C1orf21: variants seen among roughly 807,000 people sequenced by gnomAD.
C1orf21 encodes the protein chromosome 1 open reading frame 21.
C1orf21 carries 3 observed loss-of-function variants against 18.7 expected under a neutral mutation model. The observed-to-expected ratio is 0.16, with a 90% confidence interval of 0.07 to 0.42. C1orf21 has a LOEUF of 0.42. Among genes scored for constraint, C1orf21 ranks in the 10% least tolerant of loss-of-function variants. C1orf21 has a pLI of 0.99. For synonymous variants in C1orf21, 41 were observed against 46.4 expected (o/e 0.88, Z 0.47); for missense variants, 104 against 143.6 (o/e 0.72, Z 1.41).
intron 3 of C1orf21, among the ~76,000 whole-genome samples, chr1:184,517,125 C>T (rs937809833): frequency 2.0e-5 from 3 of 146,804 alleles, no homozygotes; most frequent in Admixed American, 7.2e-5. Flanking sequence ...TCACGGTCGT[C>T]ATATTACTCT....
intron 5 of C1orf21, among the ~76,000 whole-genome samples, chr1:184,606,119 C>T (rs1364183297): frequency 2.0e-5 from 3 of 152,132 alleles, no homozygotes; most frequent in South Asian, 2.1e-4. Flanking sequence ...CTTACAGAGC[C>T]ATTAAATAAC....
chr1:184,450,927 G>T (rs568849308), intron 1 of C1orf21, among the ~76,000 whole-genome samples: 3 of 152,278 alleles, frequency 2.0e-5, no homozygotes, highest in Non-Finnish European at 4.4e-5. Context: ...GCCCAGGCTG[G>T]AGTGCAGTGG....
At chr1:184,588,218 A>G (rs1659384546) in intron 3 of C1orf21, among the ~76,000 whole-genome samples, 1 of 152,218 alleles carries the variant, frequency 6.6e-6, no homozygotes, top group African/African-American at 2.4e-5. Context: ...GGAGCCTGAC[A>G]CTTCAAGAAA....
intron 3 of C1orf21, among the ~76,000 whole-genome samples, chr1:184,539,426 A>G (rs1275717839): frequency 2.6e-5 from 4 of 152,210 alleles, no homozygotes; most frequent in Non-Finnish European, 4.4e-5. Context: ...ATCAATGTTC[A>G]TAAGAAATAT....
chr1:184,538,241 C>T (rs1476670762), intron 3 of C1orf21, among the ~76,000 whole-genome samples: 2 of 152,148 alleles, frequency 1.3e-5, no homozygotes, highest in Non-Finnish European at 2.9e-5. Context: ...TTTTCATGTG[C>T]TTATTAGCCA....
Position 184,621,015 on chromosome 1 carries a change from C to T in C1orf21, c.*1459C>T, listed in dbSNP as rs1659908141. On this transcript the variant is annotated 3_prime_UTR_variant, in exon 6 of 6. Coordinates refer to ENST00000235307, the MANE Select transcript of C1orf21 (RefSeq NM_030806.4). ...AATCACAGGAGCACTGTATGTTCCT[C>T]TCTTTTGGAGTTGTGACTTTGAAGG... The T allele has an allele frequency of 6.6e-6, 1 of 152,598 alleles. No individual in the cohort carries two copies. The highest frequency in any genetic ancestry group is 2.1e-4 in the South Asian group (1 of 4,830). 9.5% of individuals were successfully genotyped at this position (152,598 alleles called of 1,614,324 possible).
chr1:184,603,235 T>G (rs1214663032), intron 5 of C1orf21, among the ~76,000 whole-genome samples: 1 of 152,220 alleles, frequency 6.6e-6, no homozygotes, highest in African/African-American at 2.4e-5. Flanking sequence ...TATCCATAGA[T>G]AGTTGTGACT....
intron 3 of C1orf21, among the ~76,000 whole-genome samples, chr1:184,539,624 T>C (rs558670166): frequency 6.6e-6 from 1 of 152,182 alleles, no homozygotes; most frequent in Non-Finnish European, 1.5e-5. Context: ...CCCAGGACTT[T>C]TCACAGCTGC....
At chr1:184,489,090 T>C (rs989922532) in intron 2 of C1orf21, among the ~76,000 whole-genome samples, 2 of 152,220 alleles carry the variant, frequency 1.3e-5, no homozygotes, top group Non-Finnish European at 2.9e-5. Flanking sequence ...AGAAAAAGTT[T>C]GTGATAAACT....
chr1:184,510,306 GAGTGCCTTT>G (rs1209727028), intron 3 of C1orf21, among the ~76,000 whole-genome samples: 4 of 152,214 alleles, frequency 2.6e-5, no homozygotes, highest in African/African-American at 7.2e-5. Flanking sequence ...CTTGCAAAGA[GAGTGCCTTT>G]GCACTAGACT....
chr1:184,502,797 G>A (rs575674338), intron 2 of C1orf21, among the ~76,000 whole-genome samples: 67 of 152,154 alleles, frequency 4.4e-4, no homozygotes, highest in African/African-American at 1.6e-3. Flanking sequence ...ACTTAACGTG[G>A]CCATGCATGA....
chr1:184,430,381 C>T (rs1049861577), intron 1 of C1orf21, among the ~76,000 whole-genome samples: 3 of 152,170 alleles, frequency 2.0e-5, no homozygotes, highest in African/African-American at 7.2e-5. Context: ...TTTCAAACAG[C>T]ACAGTTTACG....
rs1049216558 is a variant in C1orf21 at position 184,620,968 on chromosome 1, C to T, written c.*1412C>T. ...CCTATTAAATGCCACGCCAGCAGTCCGGGTCTGGGTTTGTCCCACAAAATC... is the reference window on the plus strand; with the variant it reads ...CCTATTAAATGCCACGCCAGCAGTCTGGGTCTGGGTTTGTCCCACAAAATC... On this transcript the variant is annotated 3_prime_UTR_variant, in exon 6 of 6. Transcript: ENST00000235307. 4.0e-5 allele frequency: 6 copies of T among 151,700 alleles called. No homozygotes were observed. The highest frequency in any genetic ancestry group is 7.4e-5 in the Non-Finnish European group (5 of 67,972). 9.4% of individuals were successfully genotyped at this position (151,700 alleles called of 1,614,324 possible).
At chr1:184,410,657 A>T (rs868182729) in intron 1 of C1orf21, among the ~76,000 whole-genome samples, 76 of 5,968 alleles carry the variant, frequency 0.013, 13 homozygotes, top group Admixed American at 0.019. Context: ...ATATATATAT[A>T]TATATATTTT....
rs1660019994 is a variant in C1orf21 at position 184,626,872 on chromosome 1, G to C, written c.*7316G>C. On this transcript the variant is annotated 3_prime_UTR_variant, in exon 6 of 6. Coordinates refer to ENST00000235307, the MANE Select transcript of C1orf21 (RefSeq NM_030806.4). ...AGGCGAAAAATACCGTTTGGGACCA[G>C]GCTGGCCTAGACCCAGGGATGAGAA... The C allele has an allele frequency of 6.6e-6, 1 of 152,582 alleles. No individual in the cohort carries two copies. The allele number at this position is 152,582 out of a possible 1,614,324, so 9.5% of individuals were successfully genotyped here.
At position 184,622,503 on chromosome 1, in the gene C1orf21, T is replaced by C. The variant is rs764676108; in HGVS notation, c.*2947T>C. 1 of 152,738 alleles carries C rather than the reference T, an allele frequency of 6.5e-6. No individual in the cohort carries two copies. Among genetic ancestry groups the C allele is most frequent in the African/African-American group, 2.4e-5 (1 of 41,468 alleles). 9.5% of individuals were successfully genotyped at this position (152,738 alleles called of 1,614,324 possible). A position where few individuals can be genotyped will look rare whatever the true frequency, so the allele number is the denominator to read the frequency against. ...GGATCATGGAGTACTGCTCTCATAATTGAAGACGTGTTTGTTATTGGCAGA... is the reference window on the plus strand; with the variant it reads ...GGATCATGGAGTACTGCTCTCATAACTGAAGACGTGTTTGTTATTGGCAGA... On this transcript the variant is annotated 3_prime_UTR_variant, in exon 6 of 6. Transcript: ENST00000235307.
At chr1:184,413,950 C>T (rs12138263) in intron 1 of C1orf21, among the ~76,000 whole-genome samples, 12,680 of 152,180 alleles carry the variant, frequency 0.083, 828 homozygotes, top group African/African-American at 0.18. Flanking sequence ...CAGTTGCTTC[C>T]TCCTTCATCT....
chr1:184,416,414 A>T (rs986790004), intron 1 of C1orf21, among the ~76,000 whole-genome samples: 1 of 152,180 alleles, frequency 6.6e-6, no homozygotes, highest in South Asian at 2.1e-4. Context: ...ATTTAATTTA[A>T]TTTATTATAT....
chr1:184,526,500 TA>T (rs1372212718), intron 3 of C1orf21, among the ~76,000 whole-genome samples: 1 of 152,150 alleles, frequency 6.6e-6, no homozygotes, highest in Non-Finnish European at 1.5e-5. Flanking sequence ...ACTTGGCAGG[TA>T]ATACAAATAT....
Sources: allele counts gnomAD v4.1 joint callset (sites outside exome capture counted in the v4.1 genomes callset), GRCh38; gene constraint gnomAD v4.1.1; transcripts MANE v1.5; gene names NCBI Gene and HGNC (gene_info 2026-07-23, HGNC 2026-07-21).